RALGAPA1: variants seen among roughly 807,000 people sequenced by gnomAD.
The protein encoded by RALGAPA1 is Ral GTPase activating protein catalytic subunit alpha 1.
Under a neutral mutation model 269.6 loss-of-function variants are expected in RALGAPA1, and 52 were observed. The ratio of observed to expected loss-of-function variants is 0.19; its 90% CI spans 0.15 to 0.24. The LOEUF is 0.24. Among genes scored for constraint, RALGAPA1 ranks in the 10% least tolerant of loss-of-function variants. RALGAPA1 has a pLI of 1.00. For missense variants in RALGAPA1, 1,917 were observed against 3,013.9 expected, an observed-to-expected ratio of 0.64 and a Z score of 8.52; for synonymous variants, 817 against 1,008.3, an observed-to-expected ratio of 0.81 and a Z score of 3.60.
At chr14:35,607,081 G>T (rs1244900344) in intron 35 of RALGAPA1, among the ~76,000 whole-genome samples, 1 of 152,100 alleles carries the variant, frequency 6.6e-6, no homozygotes, top group Non-Finnish European at 1.5e-5. Context: ...GCAAAACACA[G>T]CTTATCTGCT....
intron 16 of RALGAPA1, among the ~76,000 whole-genome samples, chr14:35,707,917 C>T (rs905002054): frequency 6.6e-6 from 1 of 151,988 alleles, no homozygotes; most frequent in Admixed American, 6.6e-5. Flanking sequence ...AAAACAGACA[C>T]ACAGACCAAT....
chr14:35,778,222 G>C (rs1380638016), intron 1 of RALGAPA1, among the ~76,000 whole-genome samples: 1 of 151,806 alleles, frequency 6.6e-6, no homozygotes, highest in Non-Finnish European at 1.5e-5. Context: ...ACCACACCTA[G>C]CTAATTTTTG....
At chr14:35,548,592 T>C (rs2054675242) in intron 40 of RALGAPA1, 54 bp from the exon 41 acceptor site, 3 of 1,237,738 alleles carry the variant, frequency 2.4e-6, no homozygotes. Flanking sequence ...TATTACAGAA[T>C]AGGAAGGCCA....
At chr14:35,584,833 T>C (rs1383109250) in intron 37 of RALGAPA1, among the ~76,000 whole-genome samples, 4 of 152,076 alleles carry the variant, frequency 2.6e-5, no homozygotes, top group African/African-American at 4.8e-5. Context: ...GTAAAGAATA[T>C]AGTAGATATT....
intron 41 of RALGAPA1, chr14:35,541,881 G>A: frequency 8.4e-6 from 4 of 478,096 alleles, no homozygotes; most frequent in South Asian, 4.6e-5. Flanking sequence ...AGATATGAGA[G>A]ACACAGTGCA....
At chr14:35,628,357 G>T (rs1253612852) in intron 33 of RALGAPA1, among the ~76,000 whole-genome samples, 2 of 152,120 alleles carry the variant, frequency 1.3e-5, no homozygotes, top group African/African-American at 4.8e-5. Context: ...GCAACATAGG[G>T]AGACTATGTC....
chr14:35,789,740 T>A (rs1158426323), intron 1 of RALGAPA1, among the ~76,000 whole-genome samples: 1 of 152,072 alleles, frequency 6.6e-6, no homozygotes, highest in Non-Finnish European at 1.5e-5. Flanking sequence ...TATAAAGAGT[T>A]AGAAGAAAAG....
intron 30 of RALGAPA1, among the ~76,000 whole-genome samples, 200 bp downstream of exon 30, chr14:35,654,167 T>C (rs931395076): frequency 3.9e-5 from 6 of 152,074 alleles, no homozygotes; most frequent in African/African-American, 1.4e-4. Flanking sequence ...TTTTACTTTG[T>C]CCAAAACCAG....
chr14:35,686,209 T>C (rs2065914651), intron 19 of RALGAPA1, among the ~76,000 whole-genome samples: 2 of 151,580 alleles, frequency 1.3e-5, no homozygotes, highest in South Asian at 2.1e-4. Flanking sequence ...ATCTTTCCCA[T>C]TGAGGGCTTG....
chr14:35,675,246 A>C (rs2140284132), intron 22 of RALGAPA1, among the ~76,000 whole-genome samples: 1 of 152,220 alleles, frequency 6.6e-6, no homozygotes, highest in African/African-American at 2.4e-5. Context: ...CGTGATCTTG[A>C]CTTACTGCAA....
intron 34 of RALGAPA1, 90 bp from the exon 35 acceptor site, chr14:35,625,522 T>TCTCAGGTA: frequency 1.1e-6 from 1 of 873,280 alleles, no homozygotes; most frequent in South Asian, 1.9e-5. Flanking sequence ...CTCATGCAAC[T>TCTCAGGTA]TTTCTACTTT....
chr14:35,539,876 G>C (rs2053808899), intron 41 of RALGAPA1, among the ~76,000 whole-genome samples, 186 bp from the exon 42 acceptor site: 1 of 152,130 alleles, frequency 6.6e-6, no homozygotes, highest in Admixed American at 6.5e-5. Context: ...CAATCTGGTG[G>C]CTCATGTCAT....
At chr14:35,678,435 A>T (rs1331245593) in intron 21 of RALGAPA1, among the ~76,000 whole-genome samples, 1 of 152,198 alleles carries the variant, frequency 6.6e-6, no homozygotes, top group Non-Finnish European at 1.5e-5. Context: ...CACTTAAATC[A>T]GACTTGGGGC....
chr14:35,596,818 TA>T (rs1369182948), intron 36 of RALGAPA1, among the ~76,000 whole-genome samples: 1 of 152,214 alleles, frequency 6.6e-6, no homozygotes, highest in Non-Finnish European at 1.5e-5. Flanking sequence ...GAAAGCAATT[TA>T]AGTATCTTTA....
intron 39 of RALGAPA1, among the ~76,000 whole-genome samples, chr14:35,568,680 T>C (rs1025434281): frequency 2.0e-5 from 3 of 152,186 alleles, no homozygotes; most frequent in South Asian, 2.1e-4. Context: ...ATGAAACTGA[T>C]TGCTGGCTGA....
At chr14:35,742,632 A>G in intron 10 of RALGAPA1, 67 bp from the exon 11 acceptor site, 3 of 1,102,616 alleles carry the variant, frequency 2.7e-6, no homozygotes, top group South Asian at 2.6e-5. Flanking sequence ...TAACGCAGTA[A>G]TGTTTTTCAC....
At chr14:35,580,845 C>T (rs949139334) in intron 37 of RALGAPA1, among the ~76,000 whole-genome samples, 1 of 152,128 alleles carries the variant, frequency 6.6e-6, no homozygotes, top group Non-Finnish European at 1.5e-5. Context: ...TTTCTTTATA[C>T]TGACTGTCGA....
chr14:35,672,857 A>G lies in RALGAPA1; in HGVS notation c.5073+10T>C, dbSNP rs767516966. On this transcript the variant is annotated intron_variant, in intron 25 of 41. Coordinates refer to ENST00000680220, the MANE Select transcript of RALGAPA1 (RefSeq NM_001346249.2). ...ACTACTTCTTAGATGATACATATAT[A>G]TATAGTTACCTGGTCAATATGAAGT... is the stretch of plus-strand genomic sequence containing the variant. The G allele has an allele frequency of 6.6e-7, 1 of 1,519,116 alleles. No homozygotes were observed. Among genetic ancestry groups the G allele is most frequent in the Non-Finnish European group, 8.8e-7 (1 of 1,130,280 alleles). 94.1% of individuals were successfully genotyped at this position (1,519,116 alleles called of 1,614,324 possible).
At chr14:35,792,812 AG>A (rs1747087363) in intron 1 of RALGAPA1, among the ~76,000 whole-genome samples, 1 of 138,110 alleles carries the variant, frequency 7.2e-6, no homozygotes, top group African/African-American at 2.9e-5. Flanking sequence ...AGAGAAAGAA[AG>A]AAAGAGAAAG....
Sources: gnomAD v4.1 joint callset for allele counts (sites outside exome capture counted in the v4.1 genomes callset) on GRCh38, gnomAD v4.1.1 for gene constraint, MANE v1.5 for transcripts, NCBI Gene and HGNC (gene_info 2026-07-23, HGNC 2026-07-21) for gene names.